Variants in SUDS3 observed in about 807,000 individuals in gnomAD.
The protein encoded by SUDS3 is SIN3A corepressor complex component SDS3, also known as sin3 histone deacetylase corepressor complex component SDS3.
In SUDS3, 23 loss-of-function variants were observed where a neutral mutation model predicts 53.5. The ratio of observed to expected loss-of-function variants is 0.43; its 90% confidence interval spans 0.31 to 0.61. SUDS3 has a LOEUF of 0.61. Ranked by LOEUF, SUDS3 falls within the 20% of genes least tolerant of loss-of-function variation. The probability of loss-of-function intolerance (pLI) is 0.10; values close to 1 mark genes in which losing one functional copy is unlikely to be tolerated. For synonymous variants in SUDS3, 150 were observed against 148.5 expected, an observed-to-expected ratio of 1.01 and a Z score of -0.08; for missense variants, 291 against 405.9, an observed-to-expected ratio of 0.72 and a Z score of 2.43.
intron 10 of SUDS3, among the ~76,000 whole-genome samples, chr12:118,407,708 G>T (rs2046320039): frequency 6.6e-6 from 1 of 150,406 alleles, no homozygotes; most frequent in East Asian, 2.0e-4. Flanking sequence ...ACATGTATAT[G>T]TGTTATTTTT....
chr12:118,405,403 T>C (rs113522647), intron 10 of SUDS3, among the ~76,000 whole-genome samples: 2,479 of 152,084 alleles, frequency 0.016, 68 homozygotes, highest in African/African-American at 0.056. Flanking sequence ...AAAATTCTTG[T>C]TTTTTTAAAG....
At chr12:118,398,494 C>T (rs2046235843) in intron 6 of SUDS3, among the ~76,000 whole-genome samples, 1 of 151,828 alleles carries the variant, frequency 6.6e-6, no homozygotes, top group African/African-American at 2.4e-5. Flanking sequence ...TGTGTTTATA[C>T]TTCCAAGTAC....
At position 118,379,296 on chromosome 12, in the gene SUDS3, G is replaced by T. The variant is rs563493612; in HGVS notation, c.143-866G>T. 1.7e-4 allele frequency among the ~76,000 whole-genome samples: 26 copies of T among 152,208 alleles called. No individual in the cohort carries two copies. The South Asian group carries it at 4.6e-3, about 27-fold the overall frequency. ...TACTAAAAATACAAAAAGTAGCCGG[G>T]TGTGGTGGTGCACCCCTGTAATCCC... On this transcript the variant is annotated intron_variant, in intron 1 of 11. Coordinates refer to ENST00000543473, the MANE Select transcript of SUDS3 (RefSeq NM_022491.3).
intron 5 of SUDS3, 91 bp downstream of exon 5, chr12:118,390,037 G>A: frequency 6.6e-7 from 1 of 1,510,778 alleles, no homozygotes; most frequent in Admixed American, 1.7e-5. Flanking sequence ...CTATCACCAA[G>A]TAGATAGTTT....
rs1368379081 is a variant in SUDS3, at chr12:118,382,188, C to T, written c.213-1824C>T. Among the ~76,000 whole-genome samples the T allele has an allele frequency of 2.6e-5, 4 of 151,932 alleles. No homozygotes were observed. The South Asian group carries it at 6.2e-4, about 24-fold the overall frequency. ...CTGAGTAGCTGGGACTACAGGCATG[C>T]GCCACTACGCCTGGCTGATTTTTTT... On this transcript the variant is annotated intron_variant, in intron 2 of 11. Coordinates refer to ENST00000543473, the MANE Select transcript of SUDS3 (RefSeq NM_022491.3).
rs1255803390 is a variant in SUDS3, at chr12:118,414,598, A to G, written c.*165A>G. 3.9e-6 allele frequency: 2 copies of G among 514,752 alleles called. No homozygotes were observed. Among genetic ancestry groups the G allele is most frequent in the Admixed American group, 4.0e-5 (1 of 24,942 alleles). The allele number at this position is 514,752 out of a possible 1,614,324, so 31.9% of individuals were successfully genotyped here. On this transcript the variant is annotated 3_prime_UTR_variant, in exon 12 of 12. Transcript: ENST00000543473. ...TTCTTTAGGGCACTTTTGTGGCCGGATGCTTCCAACTTTGTCAGTCTTTTC... is the reference window on the plus strand; with the variant it reads ...TTCTTTAGGGCACTTTTGTGGCCGGGTGCTTCCAACTTTGTCAGTCTTTTC...
intron 6 of SUDS3, among the ~76,000 whole-genome samples, chr12:118,399,815 GTTT>G (rs1327982686): frequency 1.3e-5 from 2 of 152,174 alleles, no homozygotes; most frequent in African/African-American, 2.4e-5. Flanking sequence ...GGAGAACTGA[GTTT>G]TTGTGGGGCA....
At chr12:118,400,016 G>A (rs952271171) in intron 6 of SUDS3, among the ~76,000 whole-genome samples, 36 of 152,126 alleles carry the variant, frequency 2.4e-4, no homozygotes, top group African/African-American at 7.0e-4. Context: ...CCACCTCTTG[G>A]GAGGAGCTAT....
At chr12:118,403,630 C>G in intron 10 of SUDS3, 113 bp downstream of exon 10, 1 of 800,210 alleles carries the variant, frequency 1.2e-6, no homozygotes, top group Non-Finnish European at 2.0e-6. Context: ...TTACATAGTA[C>G]TAAAAGTAGA....
At chr12:118,379,667 G>A (rs1350089278) in intron 1 of SUDS3, among the ~76,000 whole-genome samples, 1 of 152,198 alleles carries the variant, frequency 6.6e-6, no homozygotes, top group Non-Finnish European at 1.5e-5. Context: ...GGAGCAGCGA[G>A]TAAGGCTTGA....
chr12:118,398,716 TCTG>T (rs1293788769), intron 6 of SUDS3, among the ~76,000 whole-genome samples: 1 of 151,762 alleles, frequency 6.6e-6, no homozygotes, highest in African/African-American at 2.4e-5. Context: ...CCCTGCCTGT[TCTG>T]CTGATTGTGT....
intron 6 of SUDS3, 38 bp downstream of exon 6, chr12:118,391,320 G>T: frequency 1.3e-6 from 2 of 1,570,154 alleles, no homozygotes; most frequent in Non-Finnish European, 1.7e-6. Flanking sequence ...TGGGGGCCCT[G>T]AGCGGGGGGG....
At chr12:118,390,831 C>T (rs1466172460) in intron 5 of SUDS3, among the ~76,000 whole-genome samples, 1 of 152,126 alleles carries the variant, frequency 6.6e-6, no homozygotes, top group Non-Finnish European at 1.5e-5. Flanking sequence ...GAAGCTGTAA[C>T]TTTATGAGCG....
Position 118,399,802 on chromosome 12 carries a change from C to T in SUDS3, c.518-857C>T, listed in dbSNP as rs191443077. Among the ~76,000 whole-genome samples the T allele has an allele frequency of 2.0e-3, 301 of 152,076 alleles. 1 individual carries two copies. The highest frequency in any genetic ancestry group is 1.7e-3 in the South Asian group (8 of 4,800). ...AAAGAAGCAACCTTGGGAGAGGAAA[C>T]GAGGAGAACTGAGTTTTTGTGGGGC... On this transcript the variant is annotated intron_variant, in intron 6 of 11. Transcript: ENST00000543473.
At position 118,403,330 on chromosome 12, in the gene SUDS3, G is replaced by A. The variant is rs962371457; in HGVS notation, c.698-82G>A. 3.9e-6 allele frequency: 4 copies of A among 1,026,428 alleles called. No individual in the cohort carries two copies. The African/African-American group carries it at 6.4e-5, about 16-fold the overall frequency. 63.6% of individuals were successfully genotyped at this position (1,026,428 alleles called of 1,614,324 possible). ...TGATGATTATTACCACATTCTGATAGTGTTTCAATTAAAGCATGTTAACTG... is the reference window on the plus strand; with the variant it reads ...TGATGATTATTACCACATTCTGATAATGTTTCAATTAAAGCATGTTAACTG... On this transcript the variant is annotated intron_variant, in intron 9 of 11. Coordinates refer to ENST00000543473, the MANE Select transcript of SUDS3 (RefSeq NM_022491.3).
At chr12:118,377,808 C>G (rs1052325836) in intron 1 of SUDS3, among the ~76,000 whole-genome samples, 3 of 152,142 alleles carry the variant, frequency 2.0e-5, no homozygotes, top group Admixed American at 6.5e-5. Context: ...AAAAGCTAGA[C>G]CAGCTGTTTG....
intron 10 of SUDS3, among the ~76,000 whole-genome samples, chr12:118,405,733 C>T (rs1566208338): frequency 6.6e-6 from 1 of 152,120 alleles, no homozygotes; most frequent in Non-Finnish European, 1.5e-5. Flanking sequence ...AAAAGTGTTC[C>T]TGGGAATACT....
intron 2 of SUDS3, 149 bp downstream of exon 2, chr12:118,380,380 C>A: frequency 1.5e-6 from 1 of 683,728 alleles, no homozygotes; most frequent in Non-Finnish European, 2.4e-6. Context: ...GCTCATTGCA[C>A]TATTTCAGAT....
Position 118,395,232 on chromosome 12 carries a change from T to G in SUDS3, c.517+3950T>G, listed in dbSNP as rs1374614036. On this transcript the variant is annotated intron_variant, in intron 6 of 11. Transcript: ENST00000543473. ...GGAATCAGGGTTTTTTTTTTTTTTTTTTTTTTTTTTTAAGACGGAGTCTCG... is the reference window on the plus strand; with the variant it reads ...GGAATCAGGGTTTTTTTTTTTTTTTGTTTTTTTTTTTAAGACGGAGTCTCG... 4.2e-3 allele frequency among the ~76,000 whole-genome samples: 600 copies of G among 142,266 alleles called. 1 individual carries two copies. Among genetic ancestry groups the G allele is most frequent in the African/African-American group, 0.015 (555 of 37,840 alleles). The allele number at this position is 142,266 out of a possible 152,430, so 93.3% of individuals were successfully genotyped here.
Sources: allele counts gnomAD v4.1 joint callset (sites outside exome capture counted in the v4.1 genomes callset), GRCh38; gene constraint gnomAD v4.1.1; transcripts MANE v1.5; gene names NCBI Gene and HGNC (gene_info 2026-07-23, HGNC 2026-07-21).